The following NRG3 variants were observed in gnomAD, a reference collection of about 807,000 sequenced individuals.
NRG3 encodes the protein pro-neuregulin-3, membrane-bound isoform.
In NRG3, 31 loss-of-function variants were observed where a neutral mutation model predicts 66.9. That is an observed-to-expected ratio of 0.46 (90% CI 0.35 to 0.63). The LOEUF (loss-of-function observed/expected upper bound fraction) is 0.63. Ranked by LOEUF, NRG3 falls within the 20% of genes least tolerant of loss-of-function variation. The probability of loss-of-function intolerance (pLI) is 0.00; values close to 1 mark genes in which losing one functional copy is unlikely to be tolerated. For synonymous variants in NRG3, 393 were observed against 359.4 expected (o/e 1.09, Z -1.06); for missense variants, 910 against 878.9 (o/e 1.04, Z -0.45).
intron 2 of NRG3, among the ~76,000 whole-genome samples, chr10:82,643,900 ACACC>A (rs990032794): frequency 4.1e-4 from 8 of 19,304 alleles, no homozygotes; most frequent in African/African-American, 1.1e-3. Flanking sequence ...ACACACACAC[ACACC>A]CACACACACA....
intron 2 of NRG3, among the ~76,000 whole-genome samples, chr10:82,359,650 A>G (rs927532539): frequency 6.6e-6 from 1 of 152,184 alleles, no homozygotes; most frequent in Non-Finnish European, 1.5e-5. Context: ...CATTTCCAGT[A>G]TTACCCTGGT....
intron 1 of NRG3, among the ~76,000 whole-genome samples, chr10:82,243,824 T>G (rs983501745): frequency 6.6e-6 from 1 of 152,184 alleles, no homozygotes; most frequent in Non-Finnish European, 1.5e-5. Context: ...TCTTTTCTTT[T>G]GGGTACAATA....
intron 3 of NRG3, among the ~76,000 whole-genome samples, chr10:82,741,223 A>G (rs934269925): frequency 2.0e-5 from 3 of 152,160 alleles, no homozygotes; most frequent in Non-Finnish European, 4.4e-5. Flanking sequence ...GCATCCACCA[A>G]GAGCCACCTA....
intron 1 of NRG3, among the ~76,000 whole-genome samples, chr10:82,281,794 G>A (rs1269710989): frequency 6.6e-6 from 1 of 152,092 alleles, no homozygotes; most frequent in Non-Finnish European, 1.5e-5. Flanking sequence ...TCTGGACTTT[G>A]TATTTCCCTT....
At chr10:82,065,402 T>C (rs1183125356) in intron 1 of NRG3, among the ~76,000 whole-genome samples, 1 of 152,220 alleles carries the variant, frequency 6.6e-6, no homozygotes, top group East Asian at 1.9e-4. Context: ...ATTTATTGTA[T>C]ATCATTGTAG....
At chr10:82,924,578 T>A (rs1443925768) in intron 4 of NRG3, among the ~76,000 whole-genome samples, 4 of 142,462 alleles carry the variant, frequency 2.8e-5, no homozygotes, top group South Asian at 2.2e-4. Flanking sequence ...TATCTCACAT[T>A]AAAAAAAAAA....
At chr10:82,110,695 C>T (rs1026461459) in intron 1 of NRG3, among the ~76,000 whole-genome samples, 12 of 151,946 alleles carry the variant, frequency 7.9e-5, no homozygotes, top group Non-Finnish European at 5.9e-5. Flanking sequence ...GGTGAGGAGA[C>T]TCCAGGGAGA....
At chr10:81,961,818 C>T (rs1370798557) in intron 1 of NRG3, among the ~76,000 whole-genome samples, 3 of 152,238 alleles carry the variant, frequency 2.0e-5, no homozygotes, top group African/African-American at 7.2e-5. Context: ...AGTTTATTCT[C>T]TATGAACTTG....
At chr10:82,835,834 A>T (rs1001778513) in intron 3 of NRG3, among the ~76,000 whole-genome samples, 2 of 152,120 alleles carry the variant, frequency 1.3e-5, no homozygotes, top group African/African-American at 4.8e-5. Context: ...ATAGGTACTG[A>T]AGAAGAAAGA....
At chr10:81,940,206 T>A (rs1361133159) in intron 1 of NRG3, among the ~76,000 whole-genome samples, 1 of 152,032 alleles carries the variant, frequency 6.6e-6, no homozygotes, top group East Asian at 1.9e-4. Context: ...TCTTGGAGAG[T>A]GTTTTGCATA....
At chr10:82,675,880 C>T (rs988357840) in intron 2 of NRG3, among the ~76,000 whole-genome samples, 8 of 152,140 alleles carry the variant, frequency 5.3e-5, no homozygotes, top group Non-Finnish European at 1.0e-4. Flanking sequence ...TACAAATAAG[C>T]ACAGATCATA....
chr10:82,276,713 C>T (rs1234868676), intron 1 of NRG3, among the ~76,000 whole-genome samples: 2 of 151,930 alleles, frequency 1.3e-5, no homozygotes, highest in African/African-American at 4.8e-5. Flanking sequence ...GTTTGGTGGA[C>T]AAATGTGTAA....
chr10:82,022,344 A>G (rs2132765780), intron 1 of NRG3, among the ~76,000 whole-genome samples: 1 of 152,200 alleles, frequency 6.6e-6, no homozygotes, highest in South Asian at 2.1e-4. Flanking sequence ...CAAATCCACC[A>G]CTGGGAGAAT....
intron 1 of NRG3, among the ~76,000 whole-genome samples, chr10:82,170,743 C>A (rs954941679): frequency 3.4e-4 from 47 of 138,324 alleles, no homozygotes; most frequent in African/African-American, 1.2e-3. Context: ...ATGTTAATGG[C>A]CATCATTACA....
intron 1 of NRG3, among the ~76,000 whole-genome samples, chr10:81,930,013 C>G (rs1452971536): frequency 6.6e-6 from 1 of 152,176 alleles, no homozygotes; most frequent in Admixed American, 6.5e-5. Context: ...CCCAGAGTCT[C>G]TGCTCCTGCT....
At chr10:82,689,108 T>C (rs1475132770) in intron 2 of NRG3, among the ~76,000 whole-genome samples, 2 of 152,172 alleles carry the variant, frequency 1.3e-5, no homozygotes, top group African/African-American at 4.8e-5. Context: ...AAATGCGAGA[T>C]GGCACCTTAT....
chr10:82,082,502 G>C (rs1231148098), intron 1 of NRG3, among the ~76,000 whole-genome samples: 1 of 152,130 alleles, frequency 6.6e-6, no homozygotes, highest in Non-Finnish European at 1.5e-5. Context: ...GAAATTTGCG[G>C]TTCATAACAG....
chr10:82,537,482 C>T (rs1379951337), intron 2 of NRG3, among the ~76,000 whole-genome samples: 1 of 152,130 alleles, frequency 6.6e-6, no homozygotes, highest in Non-Finnish European at 1.5e-5. Context: ...ATCTTAGTAA[C>T]TGGCCTTGCC....
chr10:82,266,067 C>T (rs2078277866), intron 1 of NRG3, among the ~76,000 whole-genome samples: 1 of 152,008 alleles, frequency 6.6e-6, no homozygotes, highest in South Asian at 2.1e-4. Flanking sequence ...CCTTGAGTGC[C>T]AGAGGGTTTG....
Sources: gnomAD v4.1 joint callset for allele counts (sites outside exome capture counted in the v4.1 genomes callset) on GRCh38, gnomAD v4.1.1 for gene constraint, MANE v1.5 for transcripts, NCBI Gene and HGNC (gene_info 2026-07-23, HGNC 2026-07-21) for gene names.